TENM2: variants seen among roughly 807,000 people sequenced by gnomAD.
TENM2 encodes teneurin transmembrane protein 2, also known as teneurin-2.
TENM2 carries 52 observed loss-of-function variants against 245.2 expected under a neutral mutation model. The observed-to-expected ratio is 0.21, with a 90% CI of 0.17 to 0.27. TENM2 has a LOEUF of 0.27. Ranked by LOEUF, TENM2 falls within the 10% of genes least tolerant of loss-of-function variation. TENM2 has a pLI of 1.00. For synonymous variants in TENM2, 1,363 were observed against 1,438.9 expected (o/e 0.95, Z 1.19); for missense variants, 3,046 against 3,666.8 (o/e 0.83, Z 4.37).
At chr5:167,685,271 C>T (rs1277860654) in intron 2 of TENM2, among the ~76,000 whole-genome samples, 6 of 152,166 alleles carry the variant, frequency 3.9e-5, no homozygotes, top group Non-Finnish European at 8.8e-5. Context: ...TTATCTCTTC[C>T]TTTTATTTTT....
rs550730496 is a variant in TENM2, at chr5:168,216,029, T to C, written c.4079-739T>C. On this transcript the variant is annotated intron_variant, in intron 21 of 28. Transcript: ENST00000518659. Reference sequence around the variant, plus strand: ...GTTCTGGGAACCCATGGGTCTCTATTTGAAAAGGACTAAAAATACTTAACA... The same window carrying C: ...GTTCTGGGAACCCATGGGTCTCTATCTGAAAAGGACTAAAAATACTTAACA... 3.3e-5 allele frequency among the ~76,000 whole-genome samples: 5 copies of C among 152,284 alleles called. No homozygotes were observed. In the East Asian group the frequency reaches 9.6e-4, roughly 29 times the overall value.
chr5:167,170,649 T>C, the TENM2 span, among the ~76,000 whole-genome samples: 5 of 152,164 alleles, frequency 3.3e-5, no homozygotes, highest in Non-Finnish European at 7.3e-5. Context: ...CAGTTTTTTG[T>C]TTTTATTTTG....
intron 12 of TENM2, chr5:168,130,040 A>G (rs574416039): frequency 2.0e-5 from 3 of 152,326 alleles, no homozygotes; most frequent in East Asian, 1.9e-4. Flanking sequence ...CAAATAGTCA[A>G]CTGAACAATT....
chr5:168,178,687 C>G (rs1035323490), intron 13 of TENM2, among the ~76,000 whole-genome samples: 7 of 152,176 alleles, frequency 4.6e-5, no homozygotes, highest in Non-Finnish European at 8.8e-5. Context: ...AAGAAATGAA[C>G]ATGTCTTCTG....
chr5:167,479,360 C>T (rs1250080179), intron 2 of TENM2, among the ~76,000 whole-genome samples: 1 of 152,072 alleles, frequency 6.6e-6, no homozygotes, highest in African/African-American at 2.4e-5. Context: ...GATTTGGGGT[C>T]CTACTCTCCC....
At position 168,075,271 on chromosome 5, in the gene TENM2, C is replaced by A. The variant is rs548133950; in HGVS notation, c.1515+13006C>A. Among the ~76,000 whole-genome samples, 18 of 152,270 alleles carry A rather than the reference C, an allele frequency of 1.2e-4. No homozygotes were observed. In the East Asian group the frequency reaches 3.3e-3, roughly 28 times the overall value. On this transcript the variant is annotated intron_variant, in intron 7 of 28. Coordinates refer to ENST00000518659, the Ensembl canonical transcript of TENM2. ...TTGCTGTGAATGTCGTTATTTCATT[C>A]CTTTTAATGTCTGAGTAGTATTCCA...
intron 2 of TENM2, among the ~76,000 whole-genome samples, chr5:167,565,496 T>C (rs943122411): frequency 4.6e-5 from 7 of 152,212 alleles, no homozygotes; most frequent in Admixed American, 1.3e-4. Context: ...TATTAATTGG[T>C]GCCCCAGCAG....
chr5:167,532,812 A>ATGTG (rs1018346866), intron 2 of TENM2, among the ~76,000 whole-genome samples: 3,122 of 114,302 alleles, frequency 0.027, 137 homozygotes, highest in African/African-American at 0.087. Context: ...ATTTGTGTGT[A>ATGTG]TGTGTGTGTG....
chr5:167,869,372 A>C (rs888920604), intron 2 of TENM2, among the ~76,000 whole-genome samples: 6 of 152,212 alleles, frequency 3.9e-5, no homozygotes, highest in Non-Finnish European at 1.5e-5. Flanking sequence ...TAGCCCATTG[A>C]AGTTTATGGC....
intron 2 of TENM2, among the ~76,000 whole-genome samples, chr5:167,686,408 C>A (rs1044942340): frequency 1.3e-5 from 2 of 152,182 alleles, no homozygotes; most frequent in African/African-American, 4.8e-5. Context: ...AGAGTCATTT[C>A]TTCTCAGGCA....
exon 22 of TENM2, chr5:168,216,798 A>G (rs1287531946): frequency 1.2e-6 from 2 of 1,613,840 alleles, no homozygotes; most frequent in Non-Finnish European, 1.7e-6. Flanking sequence ...GGGCTCATGT[A>G]CTTTGTCGAT....
intron 2 of TENM2, among the ~76,000 whole-genome samples, chr5:167,382,573 G>C (rs1169490434): frequency 6.6e-6 from 1 of 152,152 alleles, no homozygotes; most frequent in Admixed American, 6.5e-5. Context: ...ACTGAAATAT[G>C]AGCATGTTTC....
chr5:167,251,849 A>AGATT, the TENM2 span, among the ~76,000 whole-genome samples: 4 of 152,158 alleles, frequency 2.6e-5, no homozygotes, highest in Middle Eastern at 3.2e-3. Context: ...TAGAGCATTG[A>AGATT]GATTCTAGCC....
intron 7 of TENM2, among the ~76,000 whole-genome samples, chr5:168,077,018 C>T (rs1791535730): frequency 1.3e-5 from 2 of 152,162 alleles, no homozygotes; most frequent in African/African-American, 4.8e-5. Context: ...TCAGCCCCAC[C>T]ACTTACTAAC....
At chr5:167,467,480 A>G (rs1766737708) in intron 2 of TENM2, among the ~76,000 whole-genome samples, 1 of 149,884 alleles carries the variant, frequency 6.7e-6, no homozygotes, top group Non-Finnish European at 1.5e-5. Context: ...ACAATAACAA[A>G]TGAAGGTAAG....
intron 3 of TENM2, among the ~76,000 whole-genome samples, chr5:167,926,935 C>G (rs1694567854): frequency 6.6e-6 from 1 of 152,134 alleles, no homozygotes; most frequent in Non-Finnish European, 1.5e-5. Context: ...TGTGACACTA[C>G]AATTATCTCA....
chr5:166,981,951 T>C, the TENM2 span, among the ~76,000 whole-genome samples: 1 of 152,206 alleles, frequency 6.6e-6, no homozygotes, highest in Non-Finnish European at 1.5e-5. Flanking sequence ...ATTGTGTTTG[T>C]GGCTTGTTGA....
chr5:167,336,820 T>A (rs865871605), intron 1 of TENM2, among the ~76,000 whole-genome samples: 423 of 144,864 alleles, frequency 2.9e-3, no homozygotes, highest in African/African-American at 9.4e-3. Flanking sequence ...TGCAAATATT[T>A]AAAAAAAAAA....
intron 4 of TENM2, among the ~76,000 whole-genome samples, chr5:167,967,318 G>C (rs1295677170): frequency 6.6e-6 from 1 of 152,178 alleles, no homozygotes; most frequent in Non-Finnish European, 1.5e-5. Flanking sequence ...CCACTGCTCT[G>C]TAATTTATGG....
Sources: allele counts gnomAD v4.1 joint callset (sites outside exome capture counted in the v4.1 genomes callset), GRCh38; gene constraint gnomAD v4.1.1; transcripts MANE v1.5; gene names NCBI Gene and HGNC (gene_info 2026-07-23, HGNC 2026-07-21).